ABTB3: variants seen among roughly 807,000 people sequenced by gnomAD.
ABTB3 encodes ankyrin repeat and BTB domain containing 3.
At chr12:107,548,837 G>A in the ABTB3 span, among the ~76,000 whole-genome samples, 22,812 of 152,092 alleles carry the variant, frequency 0.15, 2,009 homozygotes, top group East Asian at 0.25. Flanking sequence ...GGAAATATCC[G>A]TGATTCCTAC....
At chr12:107,645,541 G>A in the ABTB3 span, among the ~76,000 whole-genome samples, 1 of 152,044 alleles carries the variant, frequency 6.6e-6, no homozygotes, top group Non-Finnish European at 1.5e-5. Flanking sequence ...GGGCACCTGG[G>A]CCCCCCGCTA....
At chr12:107,321,139 T>C in the ABTB3 span, among the ~76,000 whole-genome samples, 39 of 152,162 alleles carry the variant, frequency 2.6e-4, no homozygotes, top group African/African-American at 9.4e-4. Flanking sequence ...AATAAAACTT[T>C]GTTACATATT....
chr12:107,416,085 A>G, the ABTB3 span, among the ~76,000 whole-genome samples: 1 of 152,216 alleles, frequency 6.6e-6, no homozygotes, highest in African/African-American at 2.4e-5. Context: ...TGCAAATGAG[A>G]AAAGTCTGTG....
chr12:107,552,452 C>T, the ABTB3 span, among the ~76,000 whole-genome samples: 1 of 152,210 alleles, frequency 6.6e-6, no homozygotes, highest in Non-Finnish European at 1.5e-5. Context: ...TAAGGCATTT[C>T]CTTCTAGTCT....
the ABTB3 span, among the ~76,000 whole-genome samples, chr12:107,640,903 T>C: frequency 6.6e-6 from 1 of 152,206 alleles, no homozygotes; most frequent in African/African-American, 2.4e-5. Context: ...TGAGTTGAGA[T>C]TGGGTTGACA....
At chr12:107,556,578 C>A in the ABTB3 span, among the ~76,000 whole-genome samples, 2 of 152,216 alleles carry the variant, frequency 1.3e-5, no homozygotes, top group Non-Finnish European at 2.9e-5. Context: ...AGAGAGAGGG[C>A]AGAAGAGTCT....
At chr12:107,540,405 C>A in the ABTB3 span, among the ~76,000 whole-genome samples, 59,054 of 151,986 alleles carry the variant, frequency 0.39, 12,016 homozygotes, top group East Asian at 0.65. Context: ...GAGGACAGGT[C>A]TTCCTCACTC....
At chr12:107,610,326 C>A in the ABTB3 span, 12 of 1,613,936 alleles carry the variant, frequency 7.4e-6, no homozygotes, top group African/African-American at 1.6e-4. Flanking sequence ...TCTGCTGGGG[C>A]CCGATGGGAT....
chr12:107,342,132 G>A, the ABTB3 span, among the ~76,000 whole-genome samples: 1 of 152,272 alleles, frequency 6.6e-6, no homozygotes, highest in African/African-American at 2.4e-5. Context: ...TGACTTCTTG[G>A]TGACAGTTCC....
chr12:107,428,370 G>T, the ABTB3 span, among the ~76,000 whole-genome samples: 1 of 152,136 alleles, frequency 6.6e-6, no homozygotes, highest in Non-Finnish European at 1.5e-5. Context: ...TGCCTTGGAT[G>T]TCCTGCCCTG....
the ABTB3 span, among the ~76,000 whole-genome samples, chr12:107,516,052 TGTGC>T: frequency 0.16 from 22,907 of 141,504 alleles, 2,052 homozygotes; most frequent in Admixed American, 0.26. Flanking sequence ...TGTGTGTGTG[TGTGC>T]GCACACACAC....
chr12:107,401,315 C>T, the ABTB3 span, among the ~76,000 whole-genome samples: 1 of 152,228 alleles, frequency 6.6e-6, no homozygotes, highest in Non-Finnish European at 1.5e-5. Flanking sequence ...AGCCGTATGA[C>T]TTATTTAGCT....
the ABTB3 span, among the ~76,000 whole-genome samples, chr12:107,611,505 G>A: frequency 6.6e-6 from 1 of 152,154 alleles, no homozygotes; most frequent in Non-Finnish European, 1.5e-5. Flanking sequence ...CACTTCTAAT[G>A]GCTATGCAAA....
chr12:107,602,628 A>G, the ABTB3 span, among the ~76,000 whole-genome samples: 8 of 152,218 alleles, frequency 5.3e-5, no homozygotes, highest in African/African-American at 1.9e-4. Flanking sequence ...AGATCACACA[A>G]CTGCCAAATA....
chr12:107,551,802 G>T, the ABTB3 span, among the ~76,000 whole-genome samples: 3 of 151,608 alleles, frequency 2.0e-5, no homozygotes, highest in African/African-American at 2.4e-5. Flanking sequence ...GCCCAGGCTG[G>T]AGTGCAATGG....
the ABTB3 span, among the ~76,000 whole-genome samples, chr12:107,471,644 A>G: frequency 4.6e-5 from 7 of 152,198 alleles, no homozygotes; most frequent in Non-Finnish European, 1.5e-5. Flanking sequence ...GAGGAGCATT[A>G]CAAAATGACC....
the ABTB3 span, among the ~76,000 whole-genome samples, chr12:107,371,407 C>T: frequency 1.7e-4 from 26 of 152,094 alleles, no homozygotes; most frequent in African/African-American, 5.3e-4. Context: ...CAGGCTTCTA[C>T]GAAGCTTTAG....
chr12:107,628,293 C>T, the ABTB3 span, among the ~76,000 whole-genome samples: 1 of 152,180 alleles, frequency 6.6e-6, no homozygotes, highest in African/African-American at 2.4e-5. Flanking sequence ...AGGTGCCTGC[C>T]ACCATGCCTG....
At chr12:107,494,541 G>GC in the ABTB3 span, among the ~76,000 whole-genome samples, 1 of 152,168 alleles carries the variant, frequency 6.6e-6, no homozygotes, top group Non-Finnish European at 1.5e-5. Flanking sequence ...GAGCCAAATG[G>GC]CCCAGAGATA....
Sources: allele counts gnomAD v4.1 joint callset (sites outside exome capture counted in the v4.1 genomes callset), GRCh38; gene constraint gnomAD v4.1.1; transcripts MANE v1.5; gene names NCBI Gene and HGNC (gene_info 2026-07-23, HGNC 2026-07-21).